Variants in MYO1D observed in about 807,000 individuals in gnomAD.
The protein encoded by MYO1D is myosin ID.
MYO1D carries 83 observed loss-of-function variants against 122.0 expected under a neutral mutation model. The observed-to-expected ratio is 0.68, with a 90% CI of 0.57 to 0.82. MYO1D has a LOEUF of 0.82. MYO1D is among the 40% of genes least tolerant of loss of function. MYO1D has a pLI of 0.00. For missense variants in MYO1D, 1,157 were observed against 1,269.5 expected, an observed-to-expected ratio of 0.91 and a Z score of 1.35; for synonymous variants, 464 against 446.9, an observed-to-expected ratio of 1.04 and a Z score of -0.48.
intron 16 of MYO1D, among the ~76,000 whole-genome samples, chr17:32,677,228 T>A (rs2088824746): frequency 6.6e-6 from 1 of 152,156 alleles, no homozygotes; most frequent in Admixed American, 6.5e-5. Flanking sequence ...GCCCATACAA[T>A]TAATTTATGT....
At chr17:32,534,769 TC>T (rs1395869319) in intron 21 of MYO1D, among the ~76,000 whole-genome samples, 2 of 151,484 alleles carry the variant, frequency 1.3e-5, no homozygotes, top group African/African-American at 4.9e-5. Context: ...ACTGAAGAAA[TC>T]CCCCCCTTTT....
At chr17:32,714,040 TTTTC>T (rs1489481171) in intron 15 of MYO1D, among the ~76,000 whole-genome samples, 11 of 151,998 alleles carry the variant, frequency 7.2e-5, no homozygotes, top group South Asian at 4.1e-4. Context: ...CTCATATGTC[TTTTC>T]TTTCTTTTTT....
chr17:32,606,925 T>C (rs1218315283), intron 20 of MYO1D, among the ~76,000 whole-genome samples: 1 of 152,118 alleles, frequency 6.6e-6, no homozygotes. Context: ...TTTGGGAGGC[T>C]GAGGTGGGTG....
intron 16 of MYO1D, among the ~76,000 whole-genome samples, chr17:32,700,181 G>C (rs73280059): frequency 3.6e-4 from 55 of 152,330 alleles, no homozygotes; most frequent in African/African-American, 1.3e-3. Flanking sequence ...CAATTTCATG[G>C]AAGACAGTTT....
chr17:32,756,429 A>G (rs1315127973), intron 10 of MYO1D, among the ~76,000 whole-genome samples: 1 of 152,168 alleles, frequency 6.6e-6, no homozygotes, highest in African/African-American at 2.4e-5. Context: ...TAGTGGCTCT[A>G]TGTGTAAATG....
chr17:32,555,870 G>A (rs117080759), intron 21 of MYO1D, among the ~76,000 whole-genome samples: 1 of 152,262 alleles, frequency 6.6e-6, no homozygotes, highest in East Asian at 1.9e-4. Flanking sequence ...TTCCTGACTG[G>A]GTTGGTCTTC....
Position 32,814,667 on chromosome 17 carries a change from T to C in MYO1D, c.96-33883A>G, listed in dbSNP as rs565236825. 3.3e-5 allele frequency among the ~76,000 whole-genome samples: 5 copies of C among 152,354 alleles called. No homozygotes were observed. In the East Asian group the frequency reaches 9.6e-4, roughly 29 times the overall value. ...CATTACAAATAAGACAAATTAATCATTGTTGAAAATTTAAATATTCACACT... is the reference window on the plus strand; with the variant it reads ...CATTACAAATAAGACAAATTAATCACTGTTGAAAATTTAAATATTCACACT... On this transcript the variant is annotated intron_variant, in intron 1 of 21. Transcript: ENST00000318217.
At chr17:32,620,045 T>C (rs1183161991) in intron 20 of MYO1D, among the ~76,000 whole-genome samples, 2 of 152,228 alleles carry the variant, frequency 1.3e-5, no homozygotes, top group African/African-American at 4.8e-5. Context: ...ACAAATACTT[T>C]ACTGCCGGAT....
At chr17:32,752,125 A>G (rs534436597) in intron 11 of MYO1D, among the ~76,000 whole-genome samples, 2 of 152,314 alleles carry the variant, frequency 1.3e-5, no homozygotes, top group South Asian at 4.1e-4. Context: ...ATAAAGCTGT[A>G]TACCTACAAT....
chr17:32,713,178 C>T (rs932236984), intron 15 of MYO1D, among the ~76,000 whole-genome samples: 1 of 152,112 alleles, frequency 6.6e-6, no homozygotes, highest in South Asian at 2.1e-4. Context: ...TGTATGTTTT[C>T]ATTTTTCACA....
At position 32,633,171 on chromosome 17, in the gene MYO1D, T is replaced by TTA. The variant is rs72336011; in HGVS notation, c.2709+5550_2709+5551insTA. On this transcript the variant is annotated intron_variant, in intron 20 of 21. Transcript: ENST00000318217. ...TTCAATGAATTTTTAAGACTAAATT[T>TTA]AAAAAAAAAACAGTTAAGCCCCCAA... Among the ~76,000 whole-genome samples, 825 of 146,022 alleles carry TTA rather than the reference T, an allele frequency of 5.6e-3. 11 individuals carry two copies. Among genetic ancestry groups the TTA allele is most frequent in the African/African-American group, 0.019 (760 of 40,034 alleles).
intron 16 of MYO1D, among the ~76,000 whole-genome samples, chr17:32,665,224 C>A (rs1013227217): frequency 1.3e-5 from 2 of 151,884 alleles, no homozygotes; most frequent in African/African-American, 4.8e-5. Flanking sequence ...ACCCGCCCAG[C>A]ACTCTTAATT....
At chr17:32,693,449 G>A (rs770108905) in intron 16 of MYO1D, among the ~76,000 whole-genome samples, 1 of 152,024 alleles carries the variant, frequency 6.6e-6, no homozygotes, top group Admixed American at 6.6e-5. Flanking sequence ...CATAGTGGGG[G>A]CTCAATTGAA....
intron 21 of MYO1D, among the ~76,000 whole-genome samples, chr17:32,582,000 CTTGGACA>C (rs778505158): frequency 6.6e-6 from 1 of 152,020 alleles, no homozygotes; most frequent in Non-Finnish European, 1.5e-5. Context: ...CCTGACCTGT[CTTGGACA>C]GGTGATCCAC....
intron 21 of MYO1D, among the ~76,000 whole-genome samples, chr17:32,548,044 T>C (rs2086979751): frequency 6.6e-6 from 1 of 152,140 alleles, no homozygotes; most frequent in African/African-American, 2.4e-5. Context: ...GAGAGAGCAC[T>C]CATCATTGCA....
chr17:32,759,769 G>C (rs1792682859), intron 10 of MYO1D: 1 of 233,302 alleles, frequency 4.3e-6, no homozygotes, highest in African/African-American at 2.3e-5. Flanking sequence ...CCCAAAGATT[G>C]ATTAGAGTAG....
intron 21 of MYO1D, among the ~76,000 whole-genome samples, chr17:32,603,521 CTTT>C (rs776245633): frequency 6.0e-5 from 6 of 99,672 alleles, no homozygotes; most frequent in African/African-American, 1.1e-4. Context: ...ACATTCTAAA[CTTT>C]TTTTTTTTTT....
At chr17:32,555,753 C>A (rs1044147164) in intron 21 of MYO1D, among the ~76,000 whole-genome samples, 1 of 152,206 alleles carries the variant, frequency 6.6e-6, no homozygotes. Context: ...CCTCACACCA[C>A]GTGCAAAGCC....
intron 15 of MYO1D, among the ~76,000 whole-genome samples, chr17:32,717,096 A>T (rs1445037156): frequency 1.3e-5 from 2 of 152,214 alleles, no homozygotes; most frequent in Admixed American, 1.3e-4. Flanking sequence ...TCTCATCATC[A>T]CTGGATGAGC....
Sources: gnomAD v4.1 joint callset for allele counts (sites outside exome capture counted in the v4.1 genomes callset) on GRCh38, gnomAD v4.1.1 for gene constraint, MANE v1.5 for transcripts, NCBI Gene and HGNC (gene_info 2026-07-23, HGNC 2026-07-21) for gene names.